SRRT: variants seen among roughly 807,000 people sequenced by gnomAD.
The protein encoded by SRRT is serrate, RNA effector molecule.
Under a neutral mutation model 103.2 loss-of-function variants are expected in SRRT, and 32 were observed. The observed-to-expected ratio is 0.31, with a 90% confidence interval of 0.23 to 0.42. The LOEUF (loss-of-function observed/expected upper bound fraction) is 0.42. Among genes scored for constraint, SRRT ranks in the 10% least tolerant of loss-of-function variants. The pLI is 1.00. For missense variants in SRRT, 986 were observed against 1,207.5 expected, an observed-to-expected ratio of 0.82 and a Z score of 2.72; for synonymous variants, 525 against 449.0, an observed-to-expected ratio of 1.17 and a Z score of -2.14.
chr7:100,888,232 A>G (rs1584762966), intron 18 of SRRT, 25 bp from the exon 19 acceptor site: 2 of 1,601,410 alleles, frequency 1.2e-6, no homozygotes, highest in Non-Finnish European at 1.7e-6. Context: ...ATAGTTTTGC[A>G]ACTCAACACT....
intron 2 of SRRT, among the ~76,000 whole-genome samples, chr7:100,876,590 T>C (rs1159843474): frequency 1.3e-5 from 2 of 152,162 alleles, no homozygotes; most frequent in South Asian, 2.1e-4. Flanking sequence ...TGACAATATA[T>C]GATTAGGTTT....
At chr7:100,883,674 G>GGA (rs1789790166) in intron 5 of SRRT, among the ~76,000 whole-genome samples, 1 of 152,218 alleles carries the variant, frequency 6.6e-6, no homozygotes, top group Admixed American at 6.5e-5. Context: ...GGGTTGGTGA[G>GGA]GAGAGGGAGG....
At chr7:100,888,197 G>A (rs931599771) in intron 18 of SRRT, 54 bp downstream of exon 18, 33 of 1,599,138 alleles carry the variant, frequency 2.1e-5, no homozygotes, top group South Asian at 4.5e-5. Context: ...TTTGGGAGAA[G>A]AAAACAGAGG....
At chr7:100,886,607 G>T in intron 13 of SRRT, 172 bp downstream of exon 13, 1 of 944,026 alleles carries the variant, frequency 1.1e-6, no homozygotes. Context: ...GAACTGGGGG[G>T]ATGCTAGTGA....
At position 100,887,675 on chromosome 7, in the gene SRRT, T is replaced by TG. The variant is rs1204041159; in HGVS notation, c.2170-28_2170-27insG. ...GAGCGAGGCAACCCTTATGTGGCTG[T>TG]CCTGACCCCTCTCCTCTCTCCACCC... On this transcript the variant is annotated intron_variant, in intron 16 of 19. Transcript: ENST00000611405. This position sits in a 1 kb window ranked among gnomAD's most constrained non-coding sequence, Gnocchi z 4.1. 1 of 1,598,838 alleles carries TG rather than the reference T, an allele frequency of 6.3e-7. No individual in the cohort carries two copies. The highest frequency in any genetic ancestry group is 8.6e-7 in the Non-Finnish European group (1 of 1,168,182).
At chr7:100,886,518 C>A in intron 13 of SRRT, 83 bp downstream of exon 13, 1 of 1,385,216 alleles carries the variant, frequency 7.2e-7, no homozygotes, top group Non-Finnish European at 9.7e-7. Context: ...CTATCTGTAG[C>A]CTTGAACCCT....
intron 2 of SRRT, chr7:100,875,920 G>C: frequency 1.8e-6 from 1 of 559,326 alleles, no homozygotes; most frequent in Non-Finnish European, 3.1e-6. Context: ...CAGAGCTATA[G>C]AGCTAAGAGT....
rs747580037 is a variant in SRRT at position 100,875,644 on chromosome 7, A to G, written c.54A>G (p.Arg18=). The G allele has an allele frequency of 1.2e-6, 2 of 1,614,152 alleles. No homozygotes were observed. Among genetic ancestry groups the G allele is most frequent in the South Asian group, 1.1e-5 (1 of 91,086 alleles). Residue 18 remains arginine (R), a synonymous_variant, in exon 2 of 20, where the codon AGA becomes AGG. Transcript: ENST00000611405. ...YDRRRRDKFR[R]ERSDYDRSRE... is the part of the protein sequence containing the mutation. ...GAAGGCGCAGGGACAAGTTCAGAAG[A>G]GAGCGCAGCGACTACGACCGTTCCC...
At chr7:100,884,608 G>A in intron 7 of SRRT, 56 bp downstream of exon 7, 1 of 682,058 alleles carries the variant, frequency 1.5e-6, no homozygotes, top group Non-Finnish European at 2.4e-6. Flanking sequence ...AGGGGGGCGG[G>A]TAGGGGTCCA....
chr7:100,876,990 A>G (rs1815774779), intron 2 of SRRT, among the ~76,000 whole-genome samples: 1 of 152,160 alleles, frequency 6.6e-6, no homozygotes, highest in African/African-American at 2.4e-5. Flanking sequence ...CACAGACCAT[A>G]GGGGGTCTCC....
In SRRT at chr7:100,887,994, G is replaced by T; in HGVS notation, c.2327-48G>T. The T allele has an allele frequency of 6.6e-6, 10 of 1,522,612 alleles. No individual in the cohort carries two copies. The highest frequency in any genetic ancestry group is 8.8e-6 in the Non-Finnish European group (10 of 1,135,766). 94.3% of individuals were successfully genotyped at this position (1,522,612 alleles called of 1,614,324 possible). On this transcript the variant is annotated intron_variant, in intron 17 of 19. Coordinates refer to ENST00000611405, the MANE Select transcript of SRRT (RefSeq NM_015908.6). The surrounding 1 kb of genome is among the most constrained non-coding windows in gnomAD (Gnocchi z 4.1). ...ATAGCCCTAGAAGTCAATTGTACCC[G>T]TATCCCCCTCCCCGCCCCCGCAGTA...
intron 2 of SRRT, among the ~76,000 whole-genome samples, chr7:100,876,917 G>A (rs1042260760): frequency 3.9e-5 from 6 of 152,146 alleles, no homozygotes; most frequent in African/African-American, 1.4e-4. Context: ...GCTTGGAGTT[G>A]TGGACATAAC....
rs1042750878 is a variant in SRRT at position 100,885,350 on chromosome 7, T to C, written c.1297T>C (p.Ser433Pro). 1 of 1,613,318 alleles carries C rather than the reference T, an allele frequency of 6.2e-7. No homozygotes were observed. Residue 433 changes from serine to proline, a missense_variant, in exon 10 of 20, where the codon TCC becomes CCC. Physicochemically the swap from Ser to Pro is moderately conservative, Grantham distance 74. Coordinates refer to ENST00000611405, the MANE Select transcript of SRRT (RefSeq NM_015908.6). This position sits in a 1 kb window ranked among gnomAD's most constrained non-coding sequence, Gnocchi z 4.8. ...LFMRNIAPNI[S>P]RAEIISLCKR... ...CATGCGCAACATCGCGCCCAACATC[T>C]CCCGGGCCGAGATCATCTCCGTGAG...
In SRRT at chr7:100,882,722, C is replaced by A; in HGVS notation, c.587+481C>A. On this transcript the variant is annotated intron_variant, in intron 5 of 19. Coordinates refer to ENST00000611405, the MANE Select transcript of SRRT (RefSeq NM_015908.6). The surrounding 1 kb of genome is among the most constrained non-coding windows in gnomAD (Gnocchi z 4.2). Reference sequence around the variant, plus strand: ...AACCATCTTTTCCCCCCTTCCTGCTCCTCCTCCTCCTCATCCTCTTTCTGC... The same window carrying A: ...AACCATCTTTTCCCCCCTTCCTGCTACTCCTCCTCCTCATCCTCTTTCTGC... 6.5e-6 allele frequency: 1 copy of A among 153,840 alleles called. No homozygotes were observed. The allele number at this position is 153,840 out of a possible 1,614,324, so 9.5% of individuals were successfully genotyped here.
In SRRT at chr7:100,882,480, C is replaced by T. The variant is rs1789675295; in HGVS notation, c.587+239C>T. On this transcript the variant is annotated intron_variant, in intron 5 of 19. Coordinates refer to ENST00000611405, the MANE Select transcript of SRRT (RefSeq NM_015908.6). This position sits in a 1 kb window ranked among gnomAD's most constrained non-coding sequence, Gnocchi z 4.2. ...CAGAGAGTGGGACACCTCCAGGCAG[C>T]AGGCCAGAGCCACTTGGCCCCTTGG... is the stretch of plus-strand genomic sequence containing the variant. 4.5e-6 allele frequency: 2 copies of T among 445,410 alleles called. No homozygotes were observed. The highest frequency in any genetic ancestry group is 3.9e-5 in the Admixed American group (1 of 25,362). 27.6% of individuals were successfully genotyped at this position (445,410 alleles called of 1,614,324 possible). A position where few individuals can be genotyped will look rare whatever the true frequency, so the allele number is the denominator to read the frequency against.
At chr7:100,883,976 G>T (rs1223267750) in intron 5 of SRRT, 94 bp from the exon 6 acceptor site, 1 of 1,372,192 alleles carries the variant, frequency 7.3e-7, no homozygotes, top group Non-Finnish European at 9.9e-7. Flanking sequence ...TGAGAGGAAG[G>T]GGGATATGCC....
intron 12 of SRRT, 122 bp downstream of exon 12, chr7:100,886,063 T>C: frequency 7.5e-7 from 1 of 1,341,388 alleles, no homozygotes; most frequent in Non-Finnish European, 1.0e-6. Flanking sequence ...CCGTTTTGTC[T>C]GGCTACGTTG....
At chr7:100,875,429 G>A (rs772116596) in intron 1 of SRRT, 101 bp downstream of exon 1, 2 of 1,466,250 alleles carry the variant, frequency 1.4e-6, no homozygotes, top group South Asian at 2.6e-5. Flanking sequence ...GGAGGTGTTG[G>A]AGCCGCGTTC....
At chr7:100,886,600 C>G in intron 13 of SRRT, 165 bp downstream of exon 13, 4 of 951,890 alleles carry the variant, frequency 4.2e-6, no homozygotes, top group South Asian at 1.6e-5. Context: ...TCCAGCAGAA[C>G]TGGGGGGATG....
Sources: allele counts gnomAD v4.1 joint callset (sites outside exome capture counted in the v4.1 genomes callset), GRCh38; gene constraint gnomAD v4.1.1; non-coding constraint Gnocchi (gnomAD v3.1); transcripts MANE v1.5; gene names NCBI Gene and HGNC (gene_info 2026-07-23, HGNC 2026-07-21).